Variants in CSAD observed in about 807,000 individuals in gnomAD.
CSAD encodes P-selectin cytoplasmic tail-associated protein.
A neutral mutation model predicts 61.5 loss-of-function variants in CSAD; 47 were observed. The observed-to-expected ratio is 0.76, with a 90% confidence interval of 0.60 to 0.97. The LOEUF (loss-of-function observed/expected upper bound fraction) is 0.97. Among genes scored for constraint, CSAD ranks in the 50% least tolerant of loss-of-function variants. The probability of loss-of-function intolerance (pLI) is 0.00; values close to 1 mark genes in which losing one functional copy is unlikely to be tolerated. For synonymous variants in CSAD, 245 were observed against 252.7 expected (o/e 0.97, Z 0.29); for missense variants, 611 against 643.6 (o/e 0.95, Z 0.55).
intron 2 of CSAD, among the ~76,000 whole-genome samples, chr12:53,175,091 T>G (rs1261312703): frequency 1.3e-5 from 2 of 152,166 alleles, no homozygotes; most frequent in Non-Finnish European, 2.9e-5. Context: ...GCATCTGCCC[T>G]GTGGGCTCCA....
chr12:53,172,429 A>C lies in CSAD; in HGVS notation c.261T>G (p.Pro87=). ...CAGAGAAGAGCTGGTTGAAGAACCG[A>C]GGGTGACCTGGAGAAGGAGAGTAAG... ...VIRYSVKTGH[P]RFFNQLFSGL... Residue 87 remains proline (P), a synonymous_variant, in exon 6 of 17, where the codon CCT becomes CCG. Coordinates refer to ENST00000444623, the MANE Select transcript of CSAD (RefSeq NM_001244705.2). The C allele has an allele frequency of 6.2e-7, 1 of 1,614,170 alleles. No individual in the cohort carries two copies. The highest frequency in any genetic ancestry group is 8.5e-7 in the Non-Finnish European group (1 of 1,180,028).
chr12:53,172,462 G>C, intron 5 of CSAD, 26 bp from the exon 6 acceptor site: 1 of 1,614,036 alleles, frequency 6.2e-7, no homozygotes, highest in Non-Finnish European at 8.5e-7. Context: ...AAGCCAGGGA[G>C]CTCAGAGTAG....
At chr12:53,179,847 G>T in intron 1 of CSAD, 1 of 1,613,426 alleles carries the variant, frequency 6.2e-7, no homozygotes, top group Non-Finnish European at 8.5e-7. Context: ...ATCTTTAGCA[G>T]GACCTCTCTC....
chr12:53,173,336 A>C lies in CSAD; in HGVS notation c.126+9T>G, dbSNP rs1463723524. 6.2e-7 allele frequency: 1 copy of C among 1,611,756 alleles called. No homozygotes were observed. Among genetic ancestry groups the C allele is most frequent in the Non-Finnish European group, 8.5e-7 (1 of 1,178,108 alleles). Reference sequence around the variant, plus strand: ...GCTTGATGGGAAGGAGGAGGAAGAAAGGACTCACCTTCTGGGAGACACTGG... The same window carrying C: ...GCTTGATGGGAAGGAGGAGGAAGAACGGACTCACCTTCTGGGAGACACTGG... On this transcript the variant is annotated intron_variant, in intron 4 of 16. Transcript: ENST00000444623.
At chr12:53,180,535 C>A in intron 1 of CSAD, 197 bp downstream of exon 1, 1 of 1,278,720 alleles carries the variant, frequency 7.8e-7, no homozygotes, top group Non-Finnish European at 1.0e-6. Context: ...CTCCCTCCTC[C>A]ATGCCCTCGG....
In CSAD at chr12:53,168,402, A is replaced by C. The variant is rs181315370; in HGVS notation, c.702+1670T>G. On this transcript the variant is annotated intron_variant, in intron 10 of 16. Transcript: ENST00000444623. ...ATGTTATGTGAATTATATATCAATA[A>C]AACTATTACCAAAAAAGTTTCTATA... 1.2e-4 allele frequency among the ~76,000 whole-genome samples: 19 copies of C among 152,330 alleles called. No homozygotes were observed. The East Asian group carries it at 3.7e-3, about 29-fold the overall frequency.
At chr12:53,173,291 G>GAGAAA (rs1433481978) in intron 4 of CSAD, 54 bp downstream of exon 4, 2 of 1,494,156 alleles carry the variant, frequency 1.3e-6, no homozygotes, top group Non-Finnish European at 1.8e-6. Flanking sequence ...AAAAAGAAAA[G>GAGAAA]AGAAAAGAAA....
rs1358891664 is a variant in CSAD, at chr12:53,179,921, T to C, written c.-90-779A>G. 2.5e-6 allele frequency: 4 copies of C among 1,600,294 alleles called. No homozygotes were observed. The African/African-American group carries it at 4.0e-5, about 16-fold the overall frequency. On this transcript the variant is annotated intron_variant, in intron 1 of 16. Coordinates refer to ENST00000444623, the MANE Select transcript of CSAD (RefSeq NM_001244705.2). ...TGGTTTCCATTTTCCTAATGCAGCCTGGCCCAAGAGCCAGGACTCCCATAA... is the reference window on the plus strand; with the variant it reads ...TGGTTTCCATTTTCCTAATGCAGCCCGGCCCAAGAGCCAGGACTCCCATAA...
Position 53,170,424 on chromosome 12 carries a change from T to G in CSAD, c.646A>C (p.Arg216=), listed in dbSNP as rs1447935342. ...DSVRVVKADE[R]GKMVPEDLER... ...CCATGTGGGCAGAAGGACCTTCACCTCTCATCAGCCTTGACCACTCGGACA... is the reference window on the plus strand; with the variant it reads ...CCATGTGGGCAGAAGGACCTTCACCGCTCATCAGCCTTGACCACTCGGACA... The change falls in exon 9 of 17, where the codon AGA becomes CGA. Residue 216 remains arginine (R), a splice_region_variant and synonymous_variant. Coordinates refer to ENST00000444623, the MANE Select transcript of CSAD (RefSeq NM_001244705.2). The G allele has an allele frequency of 6.2e-7, 1 of 1,613,626 alleles. No homozygotes were observed. Among genetic ancestry groups the G allele is most frequent in the African/African-American group, 1.3e-5 (1 of 74,880 alleles).
rs1475314370 is a variant in CSAD, at chr12:53,171,230, T to C, written c.567+96A>G. The C allele has an allele frequency of 4.4e-6, 7 of 1,575,118 alleles. 1 individual carries two copies. The highest frequency in any genetic ancestry group is 3.5e-5 in the Admixed American group (2 of 57,056). ...CTGGGGGCAGGCTGGCCTTGGAGGA[T>C]GTAGGGAGGGCAGGGAGAAGACCTG... On this transcript the variant is annotated intron_variant, in intron 8 of 16. Coordinates refer to ENST00000444623, the MANE Select transcript of CSAD (RefSeq NM_001244705.2).
chr12:53,180,696 G>A (rs1941536561), intron 1 of CSAD, 36 bp downstream of exon 1: 2 of 1,272,184 alleles, frequency 1.6e-6, no homozygotes, highest in Non-Finnish European at 1.0e-6. Flanking sequence ...AAGTGCTTCC[G>A]GGGAAACGGG....
chr12:53,173,243 AGAAG>A, intron 4 of CSAD, 98 bp downstream of exon 4: 2 of 1,071,414 alleles, frequency 1.9e-6, no homozygotes, highest in Non-Finnish European at 2.7e-6. Context: ...GAAGGAAGAA[AGAAG>A]GAAGGAAGGG....
Position 53,159,652 on chromosome 12 carries a change from T to A in CSAD, c.1279A>T (p.Ser427Cys). 1 of 1,611,858 alleles carries A rather than the reference T, an allele frequency of 6.2e-7. No homozygotes were observed. The highest frequency in any genetic ancestry group is 8.5e-7 in the Non-Finnish European group (1 of 1,179,124). The change falls in exon 16 of 17, where the codon AGT becomes TGT. Residue 427 changes from serine (S) to cysteine (C), a missense_variant. By Grantham distance (112) the Ser-to-Cys change is moderately radical. Transcript: ENST00000444623. ...GACAGCCTTTCGTGGTAATCTGGACTCTCCTGCTTCCCTCGCAGGCTGGGG... is the reference window on the plus strand; with the variant it reads ...GACAGCCTTTCGTGGTAATCTGGACACTCCTGCTTCCCTCGCAGGCTGGGG... ...VPPSLRGKQE[S>C]PDYHERLSKV... is the part of the protein sequence containing the mutation.
At chr12:53,161,534 G>T in intron 10 of CSAD, 145 bp from the exon 11 acceptor site, 1 of 637,518 alleles carries the variant, frequency 1.6e-6, no homozygotes, top group South Asian at 1.9e-5. Flanking sequence ...CCTTTTTAAT[G>T]TGCAGCCAGG....
chr12:53,173,671 A>G, intron 3 of CSAD, 57 bp downstream of exon 3: 1 of 1,447,736 alleles, frequency 6.9e-7, no homozygotes, highest in Non-Finnish European at 9.7e-7. Flanking sequence ...AAAGGCAGTC[A>G]GTGCTGAGCA....
At chr12:53,180,681 G>A (rs1041145457) in intron 1 of CSAD, 51 bp downstream of exon 1, 3 of 1,275,872 alleles carry the variant, frequency 2.4e-6, no homozygotes, top group Non-Finnish European at 3.1e-6. Flanking sequence ...ACGAGGGGGA[G>A]GGGGAAGTGC....
chr12:53,180,294 G>A, intron 1 of CSAD: 1 of 985,418 alleles, frequency 1.0e-6, no homozygotes, highest in Non-Finnish European at 1.2e-6. Flanking sequence ...AAAAGGCTGG[G>A]TACGAACTAC....
chr12:53,172,429 A>G lies in CSAD; in HGVS notation c.261T>C (p.Pro87=). 2 of 1,614,170 alleles carry G rather than the reference A, an allele frequency of 1.2e-6. No individual in the cohort carries two copies. Among genetic ancestry groups the G allele is most frequent in the Non-Finnish European group, 1.7e-6 (2 of 1,180,028 alleles). Residue 87 remains proline, a synonymous_variant, in exon 6 of 17, where the codon CCT becomes CCC. Coordinates refer to ENST00000444623, the MANE Select transcript of CSAD (RefSeq NM_001244705.2). ...VIRYSVKTGH[P]RFFNQLFSGL... ...CAGAGAAGAGCTGGTTGAAGAACCG[A>G]GGGTGACCTGGAGAAGGAGAGTAAG... is the stretch of plus-strand genomic sequence containing the variant.
intron 13 of CSAD, 118 bp downstream of exon 13, chr12:53,160,645 A>G: frequency 1.1e-6 from 1 of 896,582 alleles, no homozygotes; most frequent in Non-Finnish European, 1.7e-6. Flanking sequence ...GCTGAGATGC[A>G]GCTTCAGAAG....
Sources: allele counts gnomAD v4.1 joint callset (sites outside exome capture counted in the v4.1 genomes callset), GRCh38; gene constraint gnomAD v4.1.1; transcripts MANE v1.5; gene names NCBI Gene and HGNC (gene_info 2026-07-23, HGNC 2026-07-21).